Variants in DOCK3 observed in about 807,000 individuals in gnomAD.
DOCK3 encodes the protein dedicator of cytokinesis protein 3.
In DOCK3, 60 loss-of-function variants were observed where a neutral mutation model predicts 265.6. That is an observed-to-expected ratio of 0.23 (90% CI 0.18 to 0.28). The LOEUF is 0.28. Ranked by LOEUF, DOCK3 falls within the 10% of genes least tolerant of loss-of-function variation. The probability of loss-of-function intolerance (pLI) is 1.00; values close to 1 mark genes in which losing one functional copy is unlikely to be tolerated. For missense variants in DOCK3, 1,981 were observed against 2,594.3 expected, an observed-to-expected ratio of 0.76 and a Z score of 5.14; for synonymous variants, 881 against 938.0, an observed-to-expected ratio of 0.94 and a Z score of 1.11.
At chr3:50,778,830 A>T in intron 2 of DOCK3, 72 bp downstream of exon 2, 2 of 1,054,576 alleles carry the variant, frequency 1.9e-6, no homozygotes, top group Non-Finnish European at 2.8e-6. Flanking sequence ...ATTTTGTGCT[A>T]ATAAGATTAT....
chr3:50,929,983 G>A (rs1163594737), intron 4 of DOCK3, among the ~76,000 whole-genome samples: 1 of 152,150 alleles, frequency 6.6e-6, no homozygotes, highest in Non-Finnish European at 1.5e-5. Flanking sequence ...CAGATTCATA[G>A]TGGAATTATC....
In DOCK3 at chr3:51,361,759, A is replaced by G. The variant is rs1377256305; in HGVS notation, c.5007-100A>G. On this transcript the variant is annotated intron_variant, in intron 47 of 52. Transcript: ENST00000266037. The surrounding 1 kb of genome is among the most constrained non-coding windows in gnomAD (Gnocchi z 4.2). ...CTATGGAACCCTCCAAACCGGTGGTAGCTGAAACCAGGGATGACTATTCCA... is the reference window on the plus strand; with the variant it reads ...CTATGGAACCCTCCAAACCGGTGGTGGCTGAAACCAGGGATGACTATTCCA... 2 of 1,460,906 alleles carry G rather than the reference A, an allele frequency of 1.4e-6. No homozygotes were observed. The highest frequency in any genetic ancestry group is 1.8e-6 in the Non-Finnish European group (2 of 1,087,288). 90.5% of individuals were successfully genotyped at this position (1,460,906 alleles called of 1,614,324 possible).
chr3:51,055,554 C>T (rs1289108585), intron 5 of DOCK3, among the ~76,000 whole-genome samples: 2 of 152,092 alleles, frequency 1.3e-5, no homozygotes, highest in Non-Finnish European at 2.9e-5. Flanking sequence ...ATGGACACAT[C>T]GAGGACTGAC....
At chr3:50,911,692 T>C (rs1478651174) in intron 4 of DOCK3, among the ~76,000 whole-genome samples, 1 of 151,220 alleles carries the variant, frequency 6.6e-6, no homozygotes, top group African/African-American at 2.5e-5. Context: ...GTGAAGAACA[T>C]AATTGTTTTT....
chr3:50,741,766 T>G (rs1233192860), intron 1 of DOCK3, among the ~76,000 whole-genome samples: 1 of 152,066 alleles, frequency 6.6e-6, no homozygotes, highest in Non-Finnish European at 1.5e-5. Context: ...GCAGCATGAT[T>G]TATAGTCCTT....
At chr3:51,087,130 C>G (rs1020401600) in intron 7 of DOCK3, among the ~76,000 whole-genome samples, 4 of 152,086 alleles carry the variant, frequency 2.6e-5, no homozygotes, top group Non-Finnish European at 5.9e-5. Context: ...TTCTATGAGA[C>G]CAGCGTTACA....
At chr3:51,268,253 A>G (rs1221755615) in intron 23 of DOCK3, among the ~76,000 whole-genome samples, 1 of 152,196 alleles carries the variant, frequency 6.6e-6, no homozygotes, top group African/African-American at 2.4e-5. Context: ...ACCTGAGCCC[A>G]AGAAGTTAAG....
intron 6 of DOCK3, among the ~76,000 whole-genome samples, chr3:51,075,072 A>C (rs370739790): frequency 6.6e-6 from 1 of 152,292 alleles, no homozygotes; most frequent in African/African-American, 2.4e-5. Flanking sequence ...AAGAAAACCT[A>C]TCCTTAATGA....
intron 12 of DOCK3, among the ~76,000 whole-genome samples, chr3:51,174,159 T>C (rs1278682545): frequency 6.6e-6 from 1 of 152,150 alleles, no homozygotes; most frequent in African/African-American, 2.4e-5. Context: ...TTCTATTTCA[T>C]TGTTAAACTT....
intron 1 of DOCK3, among the ~76,000 whole-genome samples, chr3:50,688,844 G>A (rs887873760): frequency 5.9e-5 from 9 of 152,090 alleles, no homozygotes. Flanking sequence ...TCATCATTGA[G>A]TCTTCCCCCC....
chr3:51,167,735 T>A (rs1404164792), intron 12 of DOCK3, among the ~76,000 whole-genome samples: 1 of 152,182 alleles, frequency 6.6e-6, no homozygotes, highest in Non-Finnish European at 1.5e-5. Flanking sequence ...TTTTCTTAAC[T>A]TTTTTGGAGA....
intron 1 of DOCK3, among the ~76,000 whole-genome samples, chr3:50,741,688 G>A (rs1415309963): frequency 1.3e-5 from 2 of 150,602 alleles, no homozygotes; most frequent in African/African-American, 4.9e-5. Flanking sequence ...TGGACATTTG[G>A]GTTGGTTCCA....
intron 4 of DOCK3, among the ~76,000 whole-genome samples, chr3:50,896,114 T>C (rs565250358): frequency 1.4e-4 from 22 of 152,346 alleles, no homozygotes; most frequent in African/African-American, 5.0e-4. Flanking sequence ...CCACAATGGT[T>C]GAACTAATTT....
intron 1 of DOCK3, among the ~76,000 whole-genome samples, chr3:50,725,070 A>G (rs2037731356): frequency 6.6e-6 from 1 of 152,192 alleles, no homozygotes; most frequent in Non-Finnish European, 1.5e-5. Context: ...CAACATGTTC[A>G]AGGAAACTCA....
intron 14 of DOCK3, among the ~76,000 whole-genome samples, chr3:51,225,016 C>T (rs2090265728): frequency 1.3e-5 from 2 of 151,050 alleles, no homozygotes; most frequent in Non-Finnish European, 1.5e-5. Flanking sequence ...GCCTCATTGC[C>T]TTACTACCTA....
At chr3:51,235,252 A>T (rs1333558875) in intron 19 of DOCK3, among the ~76,000 whole-genome samples, 2 of 152,224 alleles carry the variant, frequency 1.3e-5, no homozygotes, top group East Asian at 3.9e-4. Flanking sequence ...CTAGTTTTGA[A>T]ACTTAAGATA....
At chr3:50,948,012 C>A (rs112271582) in intron 5 of DOCK3, among the ~76,000 whole-genome samples, 1 of 140,206 alleles carries the variant, frequency 7.1e-6, no homozygotes, top group Non-Finnish European at 1.5e-5. Context: ...CCTGCCACCA[C>A]GCCCAGCTAA....
At chr3:50,769,203 C>T (rs1049049597) in intron 1 of DOCK3, among the ~76,000 whole-genome samples, 2 of 151,820 alleles carry the variant, frequency 1.3e-5, no homozygotes, top group South Asian at 4.2e-4. Flanking sequence ...CTTTACTGTG[C>T]AGAATCTTTT....
At chr3:50,733,787 T>A (rs962540522) in intron 1 of DOCK3, among the ~76,000 whole-genome samples, 1 of 26,916 alleles carries the variant, frequency 3.7e-5, no homozygotes, top group East Asian at 1.7e-3. Flanking sequence ...TTTGTTGTTC[T>A]ATTTTTTTTT....
Sources: allele counts gnomAD v4.1 joint callset (sites outside exome capture counted in the v4.1 genomes callset), GRCh38; gene constraint gnomAD v4.1.1; non-coding constraint Gnocchi (gnomAD v3.1); transcripts MANE v1.5; gene names NCBI Gene and HGNC (gene_info 2026-07-23, HGNC 2026-07-21).